TNS1: variants seen among roughly 807,000 people sequenced by gnomAD.
TNS1 encodes tensin 1.
TNS1 carries 62 observed loss-of-function variants against 168.6 expected under a neutral mutation model. The observed-to-expected ratio is 0.37, with a 90% confidence interval of 0.30 to 0.45. TNS1 has a LOEUF of 0.45. Ranked by LOEUF, TNS1 falls within the 20% of genes least tolerant of loss-of-function variation. TNS1 has a pLI of 1.00. For synonymous variants in TNS1, 934 were observed against 933.2 expected (o/e 1.00, Z -0.02); for missense variants, 2,240 against 2,339.4 (o/e 0.96, Z 0.88).
At chr2:217,917,096 T>TC (rs1559353594) in intron 4 of TNS1, among the ~76,000 whole-genome samples, 1 of 152,122 alleles carries the variant, frequency 6.6e-6, no homozygotes, top group Non-Finnish European at 1.5e-5. Flanking sequence ...TCTCCCGGTT[T>TC]CCCCTGGGCC....
chr2:217,878,571 A>G (rs6714543), intron 18 of TNS1, among the ~76,000 whole-genome samples: 2,124 of 152,228 alleles, frequency 0.014, 45 homozygotes, highest in African/African-American at 0.048. Flanking sequence ...TGCATGGTAA[A>G]TCCAGGCCTT....
intron 19 of TNS1, among the ~76,000 whole-genome samples, chr2:217,847,010 C>A (rs1379756512): frequency 1.3e-5 from 2 of 152,192 alleles, no homozygotes; most frequent in African/African-American, 4.8e-5. Context: ...TCTACAAAGG[C>A]CTCCCTCCAG....
intron 4 of TNS1, among the ~76,000 whole-genome samples, chr2:217,919,512 A>G (rs1955499532): frequency 6.6e-6 from 1 of 152,228 alleles, no homozygotes; most frequent in South Asian, 2.1e-4. Context: ...TTCTAGGGCC[A>G]TGGTGGGGAG....
intron 3 of TNS1, among the ~76,000 whole-genome samples, chr2:217,922,548 C>T (rs1955779530): frequency 1.3e-5 from 2 of 152,208 alleles, no homozygotes; most frequent in Admixed American, 1.3e-4. Context: ...AGGTGTGTTT[C>T]TGCTCTCCAT....
chr2:217,988,853 T>C (rs1958272304), intron 2 of TNS1, among the ~76,000 whole-genome samples: 1 of 152,174 alleles, frequency 6.6e-6, no homozygotes, highest in Admixed American at 6.5e-5. Flanking sequence ...TCCTCCTCTG[T>C]AAAACGGGGA....
intron 6 of TNS1, among the ~76,000 whole-genome samples, chr2:217,904,657 G>A (rs1474506169): frequency 6.6e-6 from 1 of 152,140 alleles, no homozygotes; most frequent in African/African-American, 2.4e-5. Context: ...TCTAAAAAAA[G>A]CCAAAGAGCC....
intron 3 of TNS1, among the ~76,000 whole-genome samples, chr2:217,964,405 A>G (rs1052334037): frequency 2.0e-5 from 3 of 151,880 alleles, no homozygotes; most frequent in Non-Finnish European, 2.9e-5. Flanking sequence ...CACTCAGCTC[A>G]GATTCTCTCC....
intron 22 of TNS1, among the ~76,000 whole-genome samples, chr2:217,826,124 C>A (rs1332261294): frequency 2.6e-5 from 4 of 152,320 alleles, no homozygotes; most frequent in African/African-American, 9.6e-5. Flanking sequence ...TGCCCTCCCA[C>A]TGCCACCCCT....
chr2:217,899,297 G>A (rs1575004094), intron 7 of TNS1, among the ~76,000 whole-genome samples: 1 of 152,288 alleles, frequency 6.6e-6, no homozygotes, highest in East Asian at 1.9e-4. Context: ...TTGACTCTGA[G>A]TCCCAGCTAC....
At chr2:217,905,131 A>G (rs1335472217) in intron 6 of TNS1, among the ~76,000 whole-genome samples, 1 of 152,206 alleles carries the variant, frequency 6.6e-6, no homozygotes, top group Non-Finnish European at 1.5e-5. Context: ...ACATTTATTG[A>G]GCACGTATGA....
At chr2:217,886,393 A>T (rs1038927925) in intron 13 of TNS1, 141 bp downstream of exon 13, 2 of 722,692 alleles carry the variant, frequency 2.8e-6, no homozygotes, top group Non-Finnish European at 4.8e-6. Context: ...AGGAAGCAAT[A>T]CACTTGAGAG....
chr2:217,954,413 A>C (rs10932734), intron 3 of TNS1, among the ~76,000 whole-genome samples: 27,083 of 152,216 alleles, frequency 0.18, 4,516 homozygotes, highest in African/African-American at 0.44. Flanking sequence ...GATGATGCTG[A>C]TGATGATGAT....
upstream of TNS1, among the ~76,000 whole-genome samples, chr2:218,004,754 C>A (rs140832900): frequency 3.9e-5 from 6 of 152,270 alleles, no homozygotes; most frequent in African/African-American, 1.4e-4. Context: ...TTCTCCAAGT[C>A]CTCCAGAGCT....
intron 18 of TNS1, among the ~76,000 whole-genome samples, chr2:217,869,192 G>A (rs1949548956): frequency 6.6e-6 from 1 of 152,202 alleles, no homozygotes; most frequent in East Asian, 1.9e-4. Flanking sequence ...GGAAGACAGG[G>A]TGCCAGGTAG....
intron 3 of TNS1, among the ~76,000 whole-genome samples, chr2:217,922,997 T>C (rs1037312721): frequency 5.3e-5 from 8 of 152,126 alleles, no homozygotes; most frequent in Admixed American, 4.6e-4. Flanking sequence ...TCCGGCACCC[T>C]GGCCCCTGGC....
At chr2:217,940,177 C>T (rs766910463) in intron 3 of TNS1, among the ~76,000 whole-genome samples, 2 of 152,208 alleles carry the variant, frequency 1.3e-5, no homozygotes, top group Admixed American at 6.5e-5. Flanking sequence ...GAGCGAGGGG[C>T]CATTGGTGGA....
At chr2:217,892,802 AG>A (rs1217051777) in intron 11 of TNS1, 145 bp downstream of exon 11, 9 of 817,036 alleles carry the variant, frequency 1.1e-5, no homozygotes, top group Non-Finnish European at 1.3e-5. Flanking sequence ...CCTCAGAGCC[AG>A]GGGCCCCTTC....
At chr2:218,028,267 C>T (rs1313694298) in intron 1 of TNS1, among the ~76,000 whole-genome samples, 1 of 152,208 alleles carries the variant, frequency 6.6e-6, no homozygotes, top group African/African-American at 2.4e-5. Flanking sequence ...CACCTGCACC[C>T]TCCTGCTGGG....
Position 217,818,420 on chromosome 2 carries a change from G to C in TNS1, c.3912C>G (p.Ile1304Met), listed in dbSNP as rs1240635984. The C allele has an allele frequency of 5.6e-6, 9 of 1,614,006 alleles. No individual in the cohort carries two copies. Among genetic ancestry groups the C allele is most frequent in the Non-Finnish European group, 7.6e-6 (9 of 1,179,994 alleles). Residue 1304 changes from isoleucine (I) to methionine (M), a missense_variant, in exon 24 of 33, where the codon ATC becomes ATG. Physicochemically the swap from Ile to Met is conservative, Grantham distance 10. Transcript: ENST00000682258. Reference sequence around the variant, plus strand: ...TGCTGGGGGCAGCCATGCTGGGATTGATGGCCCGCCAGCCGAAGCCAGGAC... The same window carrying C: ...TGCTGGGGGCAGCCATGCTGGGATTCATGGCCCGCCAGCCGAAGCCAGGAC... ...PPSPGFGWRA[I>M]NPSMAAPSSP...
Sources: allele counts gnomAD v4.1 joint callset (sites outside exome capture counted in the v4.1 genomes callset), GRCh38; gene constraint gnomAD v4.1.1; transcripts MANE v1.5; gene names NCBI Gene and HGNC (gene_info 2026-07-23, HGNC 2026-07-21).